Variants in ZNF546 observed in about 807,000 individuals in gnomAD.
The protein encoded by ZNF546 is CTC-471F3.6.
In ZNF546, 60 loss-of-function variants were observed where a neutral mutation model predicts 76.2. The observed-to-expected ratio is 0.79, with a 90% confidence interval of 0.64 to 0.98. The LOEUF is 0.98. Among genes scored for constraint, ZNF546 ranks in the 50% least tolerant of loss-of-function variants. The pLI is 0.00. For missense variants in ZNF546, 936 were observed against 1,035.6 expected, an observed-to-expected ratio of 0.90 and a Z score of 1.32; for synonymous variants, 277 against 328.1, an observed-to-expected ratio of 0.84 and a Z score of 1.68.
chr19:40,001,709 T>A (rs980172967), intron 3 of ZNF546, among the ~76,000 whole-genome samples: 5 of 152,156 alleles, frequency 3.3e-5, no homozygotes, highest in African/African-American at 1.2e-4. Flanking sequence ...TTTACGAATG[T>A]TGTTAATTAA....
rs767895496 is a variant in ZNF546 at position 40,014,699 on chromosome 19, G to C, written c.1429G>C (p.Ala477Pro). Reference sequence around the variant, plus strand: ...CTATGAATGTAAGGAATGTGGGAAGGCCTTTATTTGTGGTTATCAACTTAC... The same window carrying C: ...CTATGAATGTAAGGAATGTGGGAAGCCCTTTATTTGTGGTTATCAACTTAC... The part of the protein sequence containing the change: ...KPYECKECGK[A>P]FICGYQLTLH... The change falls in exon 7 of 7, where the codon GCC becomes CCC. Residue 477 changes from alanine (A) to proline (P), a missense_variant. Coordinates refer to ENST00000347077, the MANE Select transcript of ZNF546 (RefSeq NM_178544.5). 15 of 1,613,700 alleles carry C rather than the reference G, an allele frequency of 9.3e-6. No homozygotes were observed. The highest frequency in any genetic ancestry group is 1.7e-5 in the Admixed American group (1 of 59,976).
chr19:39,997,062 T>A lies in ZNF546; in HGVS notation c.-230T>A, dbSNP rs975209450. ...CATTTCCCAGAAGCCCCTTGGGCAG[T>A]GTTGCCTGGACCCCAAGGGCCCTTT... On this transcript the variant is annotated 5_prime_UTR_variant, in exon 1 of 7. Coordinates refer to ENST00000347077, the MANE Select transcript of ZNF546 (RefSeq NM_178544.5). The A allele has an allele frequency of 6.6e-6, 1 of 152,272 alleles. No individual in the cohort carries two copies. The allele number at this position is 152,272 out of a possible 1,614,324, so 9.4% of individuals were successfully genotyped here. A position where few individuals can be genotyped will look rare whatever the true frequency, so the allele number is the denominator to read the frequency against.
At chr19:40,013,350 A>G (rs554043219) in intron 6 of ZNF546, among the ~76,000 whole-genome samples, 3 of 152,278 alleles carry the variant, frequency 2.0e-5, no homozygotes, top group Admixed American at 2.0e-4. Context: ...TTTAAATTTC[A>G]GTGTCCATAA....
At chr19:40,013,643 T>TTG (rs1307429323) in intron 6 of ZNF546, 22 bp from the exon 7 acceptor site, 2 of 1,033,002 alleles carry the variant, frequency 1.9e-6, no homozygotes, top group Non-Finnish European at 2.5e-6. Flanking sequence ...CTCTTTGCTT[T>TTG]TTTTTTTTTT....
In ZNF546 at chr19:40,020,352, T is replaced by C. The variant is rs1450783396; in HGVS notation, c.*4571T>C. On this transcript the variant is annotated 3_prime_UTR_variant, in exon 7 of 7. Transcript: ENST00000347077. ...GTCATTTACTATCTAATTATATCAT[T>C]GCTCAACATTTGCAAATTATTTTTA... 1 of 152,218 alleles carries C rather than the reference T, an allele frequency of 6.6e-6. No homozygotes were observed. Among genetic ancestry groups the C allele is most frequent in the East Asian group, 1.9e-4 (1 of 5,206 alleles). 9.4% of individuals were successfully genotyped at this position (152,218 alleles called of 1,614,324 possible).
rs923258160 is a variant in ZNF546 at position 40,020,993 on chromosome 19, G to T, written c.*5212G>T. The T allele has an allele frequency of 6.6e-6, 1 of 152,056 alleles. No individual in the cohort carries two copies. Among genetic ancestry groups the T allele is most frequent in the Non-Finnish European group, 1.5e-5 (1 of 67,986 alleles). 9.4% of individuals were successfully genotyped at this position (152,056 alleles called of 1,614,324 possible). On this transcript the variant is annotated 3_prime_UTR_variant, in exon 7 of 7. Transcript: ENST00000347077. ...TTCATTGGTATTTATGTTTTAACAG[G>T]TTTTCACTATTTCAAATATACTTCA...
chr19:40,006,269 A>G, intron 4 of ZNF546, 87 bp downstream of exon 4: 1 of 1,234,794 alleles, frequency 8.1e-7, no homozygotes, highest in Non-Finnish European at 1.2e-6. Flanking sequence ...CTTCCTTCCT[A>G]AGACAACCCT....
chr19:40,000,817 A>T (rs1971520262), intron 3 of ZNF546, among the ~76,000 whole-genome samples: 1 of 151,942 alleles, frequency 6.6e-6, no homozygotes, highest in Non-Finnish European at 1.5e-5. Context: ...TTTTTCACAG[A>T]CAGGGAGAGG....
intron 3 of ZNF546, among the ~76,000 whole-genome samples, chr19:40,000,594 C>T (rs1184000694): frequency 3.0e-5 from 4 of 133,076 alleles, no homozygotes; most frequent in African/African-American, 5.8e-5. Flanking sequence ...CCAGGCTGGG[C>T]GACAGAGTGA....
At position 40,014,434 on chromosome 19, in the gene ZNF546, T is replaced by C. The variant is rs373467108; in HGVS notation, c.1164T>C (p.Asn388=). The C allele has an allele frequency of 5.6e-6, 9 of 1,609,634 alleles. No individual in the cohort carries two copies. The highest frequency in any genetic ancestry group is 2.7e-5 in the African/African-American group (2 of 73,384). Residue 388 remains asparagine, a synonymous_variant, in exon 7 of 7, where the codon AAT becomes AAC. Transcript: ENST00000347077. ...CTGGTGTCAAACCCTATAAATGTAA[T>C]GAATGTGGGAAGGCCTTTAGTCATG... The part of the protein sequence containing the change: ...IHTGVKPYKC[N]ECGKAFSHGS...
intron 6 of ZNF546, 25 bp from the exon 7 acceptor site, chr19:40,013,637 TTGC>T (rs1341849798): frequency 1.4e-6 from 2 of 1,445,320 alleles, no homozygotes; most frequent in Non-Finnish European, 1.9e-6. Context: ...TGTTTACTCT[TTGC>T]TTTTTTTTTT....
In ZNF546 at chr19:40,014,967, A is replaced by T; in HGVS notation, c.1697A>T (p.Asn566Ile). Residue 566 changes from asparagine (N) to isoleucine (I), a missense_variant, in exon 7 of 7, where the codon AAT becomes ATT. By Grantham distance (149) the Asn-to-Ile change is moderately radical (BLOSUM62 -3). Transcript: ENST00000347077. ...TGTGGGAAGGCTTTTATTCATAGCA[A>T]TCAATTTATTTCACACCAGCGAATT... is the stretch of plus-strand genomic sequence containing the variant. ...KECGKAFIHSNQFISHQRIHT... is the reference protein window; with the variant it reads ...KECGKAFIHSIQFISHQRIHT... 1.9e-6 allele frequency: 3 copies of T among 1,613,402 alleles called. No individual in the cohort carries two copies. The South Asian group carries it at 3.3e-5, about 18-fold the overall frequency.
At chr19:40,001,848 AC>A (rs1971535319) in intron 3 of ZNF546, among the ~76,000 whole-genome samples, 1 of 152,248 alleles carries the variant, frequency 6.6e-6, no homozygotes, top group African/African-American at 2.4e-5. Flanking sequence ...TAGCAGTGGA[AC>A]AAAGGACATA....
intron 3 of ZNF546, among the ~76,000 whole-genome samples, chr19:40,001,898 C>T (rs569988718): frequency 7.9e-5 from 12 of 152,262 alleles, no homozygotes; most frequent in South Asian, 2.1e-4. Flanking sequence ...ACTTTTATTA[C>T]GTAATTATGT....
Position 40,015,845 on chromosome 19 carries a change from T to C in ZNF546, c.*64T>C, listed in dbSNP as rs751712955. On this transcript the variant is annotated 3_prime_UTR_variant, in exon 7 of 7. Coordinates refer to ENST00000347077, the MANE Select transcript of ZNF546 (RefSeq NM_178544.5). ...AGAATTTGTAATTTAAGAAATTTTCTGTTTGTTACGGAACATGTGGGAATC... is the reference window on the plus strand; with the variant it reads ...AGAATTTGTAATTTAAGAAATTTTCCGTTTGTTACGGAACATGTGGGAATC... The C allele has an allele frequency of 3.0e-4, 446 of 1,477,128 alleles. No homozygotes were observed. Among genetic ancestry groups the C allele is most frequent in the Non-Finnish European group, 4.0e-4 (429 of 1,060,104 alleles). 91.5% of individuals were successfully genotyped at this position (1,477,128 alleles called of 1,614,324 possible). A position where few individuals can be genotyped will look rare whatever the true frequency, so the allele number is the denominator to read the frequency against.
At chr19:40,002,700 T>TTA (rs1971545144) in intron 3 of ZNF546, among the ~76,000 whole-genome samples, 1 of 147,788 alleles carries the variant, frequency 6.8e-6, no homozygotes, top group Non-Finnish European at 1.5e-5. Context: ...GAAACTAACT[T>TTA]TTTTTTTTTT....
chr19:40,015,654 A>G lies in ZNF546; in HGVS notation c.2384A>G (p.His795Arg). 2 of 1,614,232 alleles carry G rather than the reference A, an allele frequency of 1.2e-6. No individual in the cohort carries two copies. Among genetic ancestry groups the G allele is most frequent in the Non-Finnish European group, 1.7e-6 (2 of 1,180,040 alleles). ...AGTGTTAATTCAGAACTTACTCGAC[A>G]TCACAGAATTCATACTGGTGAAAAA... Reference protein sequence around the residue: ...AFSVNSELTRHHRIHTGEKPY... With the variant: ...AFSVNSELTRRHRIHTGEKPY... Residue 795 changes from histidine to arginine, a missense_variant, in exon 7 of 7, where the codon CAT (histidine) becomes CGT (arginine). By Grantham distance (29) the His-to-Arg change is conservative. Coordinates refer to ENST00000347077, the MANE Select transcript of ZNF546 (RefSeq NM_178544.5).
intron 3 of ZNF546, among the ~76,000 whole-genome samples, chr19:40,002,449 A>C (rs1394308175): frequency 1.3e-5 from 2 of 152,224 alleles, no homozygotes; most frequent in African/African-American, 2.4e-5. Context: ...CTGAAAACAC[A>C]TAGGTGTTAC....
chr19:40,004,488 C>T (rs762806912), intron 3 of ZNF546, among the ~76,000 whole-genome samples: 8 of 152,062 alleles, frequency 5.3e-5, no homozygotes, highest in East Asian at 1.9e-4. Flanking sequence ...AGGCTGGTCT[C>T]GCACTCCTAA....
Sources: gnomAD v4.1 joint callset for allele counts (sites outside exome capture counted in the v4.1 genomes callset) on GRCh38, gnomAD v4.1.1 for gene constraint, MANE v1.5 for transcripts, NCBI Gene and HGNC (gene_info 2026-07-23, HGNC 2026-07-21) for gene names.